Variants in SHPRH observed in about 807,000 individuals in gnomAD.
SHPRH encodes the protein E3 ubiquitin-protein ligase SHPRH.
In SHPRH, 106 loss-of-function variants were observed where a neutral mutation model predicts 202.5. The observed-to-expected ratio is 0.52, with a 90% CI of 0.45 to 0.62. The LOEUF (loss-of-function observed/expected upper bound fraction) is 0.62. Ranked by LOEUF, SHPRH falls within the 20% of genes least tolerant of loss-of-function variation. SHPRH has a pLI of 0.00. For synonymous variants in SHPRH, 729 were observed against 686.0 expected (o/e 1.06, Z -0.98); for missense variants, 1,710 against 2,020.0 (o/e 0.85, Z 2.94).
chr6:145,886,261 A>G lies in SHPRH; in HGVS notation c.*430T>C, dbSNP rs1780997366. 2.0e-6 allele frequency: 1 copy of G among 491,484 alleles called. No homozygotes were observed. Among genetic ancestry groups the G allele is most frequent in the South Asian group, 3.3e-5 (1 of 30,674 alleles). The allele number at this position is 491,484 out of a possible 1,614,324, so 30.4% of individuals were successfully genotyped here. A position where few individuals can be genotyped will look rare whatever the true frequency, so the allele number is the denominator to read the frequency against. ...AAATATTACTAACAAGATATTGGTG[A>G]ATCATGTGCTAAAGATACTGAAGGC... On this transcript the variant is annotated 3_prime_UTR_variant, in exon 30 of 30. Coordinates refer to ENST00000275233, the MANE Select transcript of SHPRH (RefSeq NM_001042683.3).
chr6:145,918,326 T>G, intron 22 of SHPRH, 94 bp from the exon 23 acceptor site: 1 of 793,538 alleles, frequency 1.3e-6, no homozygotes, highest in Non-Finnish European at 1.8e-6. Context: ...ACAAATGTAT[T>G]GTTTTTAAAA....
At chr6:145,877,515 A>G (rs911471569) in intron 2 of SHPRH, 12 of 152,202 alleles carry the variant, frequency 7.9e-5, no homozygotes, top group African/African-American at 2.4e-4. Context: ...ACAAGGAAAT[A>G]ATATTTAGCC....
At chr6:145,900,306 G>C (rs979468280) in intron 25 of SHPRH, among the ~76,000 whole-genome samples, 2 of 152,044 alleles carry the variant, frequency 1.3e-5, no homozygotes, top group African/African-American at 4.8e-5. Context: ...ATACACCACG[G>C]AATATGTTTT....
intron 7 of SHPRH, 37 bp downstream of exon 7, chr6:145,946,196 A>G: frequency 6.7e-7 from 1 of 1,487,902 alleles, no homozygotes. Context: ...AAAGATCACT[A>G]TAAGAAGGTA....
At position 145,943,802 on chromosome 6, in the gene SHPRH, C is replaced by T. The variant is rs1787064169; in HGVS notation, c.1579G>A (p.Ala527Thr). 1 of 1,555,090 alleles carries T rather than the reference C, an allele frequency of 6.4e-7. No homozygotes were observed. Among genetic ancestry groups the T allele is most frequent in the Non-Finnish European group, 8.6e-7 (1 of 1,158,512 alleles). ...TGAATTTTCCTTGGACTCCCTACTG[C>T]CTATGAAAAAAATATTTAATTAATT... is the stretch of plus-strand genomic sequence containing the variant. ...EDICDKTKKQ[A>T]VGSPRKIQKE... The change falls in exon 9 of 30, where the codon GCA (alanine) becomes ACA (threonine). Residue 527 changes from alanine (A) to threonine (T), a missense_variant and splice_region_variant. Physicochemically the swap from Ala to Thr is moderately conservative, Grantham distance 58. Transcript: ENST00000275233.
intron 28 of SHPRH, among the ~76,000 whole-genome samples, chr6:145,892,062 C>T (rs1248948417): frequency 6.6e-6 from 1 of 152,040 alleles, no homozygotes; most frequent in Non-Finnish European, 1.5e-5. Flanking sequence ...CAAGTAAGCC[C>T]TTTATTTTCT....
intron 25 of SHPRH, chr6:145,909,003 G>C (rs1783232002): frequency 6.6e-6 from 1 of 152,046 alleles, no homozygotes; most frequent in Admixed American, 6.6e-5. Flanking sequence ...TTACCCAATA[G>C]GATCCTTTCC....
intron 14 of SHPRH, among the ~76,000 whole-genome samples, chr6:145,932,735 A>T (rs1013023393): frequency 3.9e-5 from 6 of 152,150 alleles, no homozygotes; most frequent in African/African-American, 1.4e-4. Context: ...AATCATTTTG[A>T]CTGTTTACAG....
intron 1 of SHPRH, among the ~76,000 whole-genome samples, chr6:145,958,951 G>C (rs1184509982): frequency 6.6e-6 from 1 of 152,044 alleles, no homozygotes; most frequent in African/African-American, 2.4e-5. Flanking sequence ...TCCTGCCTCA[G>C]CCTCCTGAGT....
downstream of SHPRH, among the ~76,000 whole-genome samples, chr6:145,880,003 G>A (rs748581852): frequency 1.4e-3 from 210 of 150,770 alleles, no homozygotes; most frequent in Non-Finnish European, 1.6e-3. Context: ...AATTCTTCAC[G>A]CCTTCTCTAC....
rs745807139 is a variant in SHPRH, at chr6:145,919,402, A to G, written c.4098T>C (p.Asp1366=). 6.2e-7 allele frequency: 1 copy of G among 1,613,284 alleles called. No homozygotes were observed. Among genetic ancestry groups the G allele is most frequent in the South Asian group, 1.1e-5 (1 of 91,068 alleles). Residue 1366 remains aspartate (D), a synonymous_variant, in exon 22 of 30, where the codon GAT becomes GAC. Transcript: ENST00000275233. ...AMATERLRVR[D]PREPKPNPPV... is the part of the protein sequence containing the mutation. The stretch of plus-strand genomic sequence containing the variant: ...GCGGATTAGGCTTTGGCTCCCTAGG[A>G]TCACGCACTCTTAGTCGTTCTGTAG...
intron 25 of SHPRH, chr6:145,905,278 G>C (rs1782859468): frequency 6.6e-6 from 1 of 152,240 alleles, no homozygotes; most frequent in Non-Finnish European, 1.5e-5. Context: ...GGAAAGGAAA[G>C]GAGAAACTAT....
chr6:145,902,721 C>T (rs143073012), intron 25 of SHPRH, among the ~76,000 whole-genome samples: 2 of 152,232 alleles, frequency 1.3e-5, no homozygotes, highest in Admixed American at 6.6e-5. Context: ...TTACTCTAGA[C>T]TATTCAATTG....
At chr6:145,931,459 T>A (rs1785434808) in intron 14 of SHPRH, among the ~76,000 whole-genome samples, 1 of 152,098 alleles carries the variant, frequency 6.6e-6, no homozygotes, top group Non-Finnish European at 1.5e-5. Context: ...TTCAAGTGAT[T>A]CTCCTGTCTC....
At chr6:145,951,765 T>C (rs1425450357) in intron 3 of SHPRH, 6 of 455,788 alleles carry the variant, frequency 1.3e-5, no homozygotes, top group Non-Finnish European at 2.2e-5. Context: ...GTTCTATAAT[T>C]TGCACCTGAA....
Position 145,886,232 on chromosome 6 carries a change from C to G in SHPRH, c.*459G>C, listed in dbSNP as rs1455269221. ...ATGGGTTAATATAATTCACCATCTA[C>G]TTAAAATATTACTAACAAGATATTG... On this transcript the variant is annotated 3_prime_UTR_variant, in exon 30 of 30. Transcript: ENST00000275233. 1 of 448,956 alleles carries G rather than the reference C, an allele frequency of 2.2e-6. No homozygotes were observed. 27.8% of individuals were successfully genotyped at this position (448,956 alleles called of 1,614,324 possible).
At position 145,940,809 on chromosome 6, in the gene SHPRH, G is replaced by A. The variant is rs781437747; in HGVS notation, c.2491-8C>T. 2 of 1,613,290 alleles carry A rather than the reference G, an allele frequency of 1.2e-6. No homozygotes were observed. The highest frequency in any genetic ancestry group is 8.5e-7 in the Non-Finnish European group (1 of 1,179,662). On this transcript the variant is annotated splice_polypyrimidine_tract_variant and splice_region_variant and intron_variant, in intron 10 of 29. Transcript: ENST00000275233. ...CTGGGCCATTTCTGCAGCCTGATGA[G>A]AGGGAAAAATGAAATAAAAATGAAA...
chr6:145,936,919 G>A (rs745922473), intron 11 of SHPRH, among the ~76,000 whole-genome samples: 12 of 150,490 alleles, frequency 8.0e-5, no homozygotes, highest in South Asian at 2.1e-4. Context: ...TCCCAAAGCC[G>A]TCTCAAACTC....
At chr6:145,946,825 G>T (rs1232450966) in intron 6 of SHPRH, among the ~76,000 whole-genome samples, 1 of 151,770 alleles carries the variant, frequency 6.6e-6, no homozygotes, top group Non-Finnish European at 1.5e-5. Context: ...TAATGCTAAA[G>T]CTGTGAGACT....
Sources: allele counts gnomAD v4.1 joint callset (sites outside exome capture counted in the v4.1 genomes callset), GRCh38; gene constraint gnomAD v4.1.1; transcripts MANE v1.5; gene names NCBI Gene and HGNC (gene_info 2026-07-23, HGNC 2026-07-21).